The following TMEM132B variants were observed in gnomAD, a reference collection of about 807,000 sequenced individuals.
TMEM132B encodes transmembrane protein 132B.
In TMEM132B, 18 loss-of-function variants were observed where a neutral mutation model predicts 90.8. That is an observed-to-expected ratio of 0.20 (90% CI 0.14 to 0.29). TMEM132B has a LOEUF of 0.29. Ranked by LOEUF, TMEM132B falls within the 10% of genes least tolerant of loss-of-function variation. The probability of loss-of-function intolerance (pLI) is 1.00; values close to 1 mark genes in which losing one functional copy is unlikely to be tolerated. For missense variants in TMEM132B, 1,096 were observed against 1,326.8 expected, an observed-to-expected ratio of 0.83 and a Z score of 2.70; for synonymous variants, 504 against 523.3, an observed-to-expected ratio of 0.96 and a Z score of 0.50.
At chr12:125,196,132 A>T (rs902829375) in intron 1 of TMEM132B, among the ~76,000 whole-genome samples, 1 of 152,184 alleles carries the variant, frequency 6.6e-6, no homozygotes, top group Non-Finnish European at 1.5e-5. Flanking sequence ...TGGTTGCTGC[A>T]GAGGAGGTGA....
At chr12:125,553,049 A>T (rs1864875315) in intron 4 of TMEM132B, among the ~76,000 whole-genome samples, 1 of 152,222 alleles carries the variant, frequency 6.6e-6, no homozygotes, top group African/African-American at 2.4e-5. Context: ...GACATTGTAG[A>T]TTTAGGATTT....
intron 1 of TMEM132B, among the ~76,000 whole-genome samples, chr12:125,216,026 A>G (rs575045234): frequency 6.6e-6 from 1 of 152,290 alleles, no homozygotes; most frequent in African/African-American, 2.4e-5. Context: ...GCCCCTTCTT[A>G]AGAATCTCTC....
At chr12:125,401,063 T>G (rs60667973) in intron 2 of TMEM132B, among the ~76,000 whole-genome samples, 3,097 of 152,304 alleles carry the variant, frequency 0.02, 111 homozygotes, top group African/African-American at 0.064. Context: ...CTTGAAAGTT[T>G]GAGAGCCTCT....
At chr12:125,576,957 G>C (rs1206564964) in intron 4 of TMEM132B, among the ~76,000 whole-genome samples, 1 of 150,350 alleles carries the variant, frequency 6.7e-6, no homozygotes, top group Non-Finnish European at 1.5e-5. Context: ...CTTTTCCTGT[G>C]ATGCCTTTCT....
intron 3 of TMEM132B, among the ~76,000 whole-genome samples, chr12:125,440,111 G>A (rs1034238631): frequency 6.6e-6 from 1 of 152,138 alleles, no homozygotes; most frequent in Non-Finnish European, 1.5e-5. Flanking sequence ...CTTTCATCAA[G>A]GATATTGGCC....
chr12:125,419,606 G>A (rs1209714201), intron 3 of TMEM132B, among the ~76,000 whole-genome samples: 1 of 152,132 alleles, frequency 6.6e-6, no homozygotes, highest in Non-Finnish European at 1.5e-5. Context: ...TTTGGGCGGG[G>A]ACACAGCCAA....
In TMEM132B at chr12:125,515,178, A is replaced by T. The variant is rs1883081177; in HGVS notation, c.1107-4261A>T. On this transcript the variant is annotated intron_variant, in intron 3 of 8. Transcript: ENST00000682704. ...TGTTCGCACATTCTCTCCCACACTC[A>T]CACACGCATTCTCTCTCATGCACAC... is the stretch of plus-strand genomic sequence containing the variant. Among the ~76,000 whole-genome samples the T allele has an allele frequency of 3.3e-5, 5 of 150,932 alleles. No homozygotes were observed. The South Asian group carries it at 1.0e-3, about 31-fold the overall frequency.
chr12:125,187,553 G>A (rs761597369), intron 1 of TMEM132B, among the ~76,000 whole-genome samples: 1 of 152,254 alleles, frequency 6.6e-6, no homozygotes, highest in Non-Finnish European at 1.5e-5. Context: ...ACGCGCCGGG[G>A]AGCCTGGAAC....
intron 2 of TMEM132B, among the ~76,000 whole-genome samples, chr12:125,351,193 G>A (rs1877567579): frequency 6.6e-6 from 1 of 152,230 alleles, no homozygotes; most frequent in Admixed American, 6.5e-5. Flanking sequence ...CTCTGGTGAT[G>A]TCTCAACTCT....
chr12:125,429,987 T>C (rs151085486), intron 3 of TMEM132B, among the ~76,000 whole-genome samples: 1 of 152,212 alleles, frequency 6.6e-6, no homozygotes, highest in African/African-American at 2.4e-5. Flanking sequence ...GTATTTGGAA[T>C]TCTTCTTGCA....
intron 3 of TMEM132B, among the ~76,000 whole-genome samples, chr12:125,506,929 G>A (rs951359792): frequency 4.6e-5 from 7 of 152,230 alleles, no homozygotes; most frequent in African/African-American, 1.7e-4. Flanking sequence ...CAAATATTAC[G>A]TTTGTGTTTT....
chr12:125,328,749 G>T (rs944334570), intron 1 of TMEM132B, among the ~76,000 whole-genome samples: 2 of 152,122 alleles, frequency 1.3e-5, no homozygotes, highest in Non-Finnish European at 2.9e-5. Context: ...GATGTGTTTT[G>T]GGGGCACCAT....
chr12:125,502,653 T>C (rs916857468), intron 3 of TMEM132B, among the ~76,000 whole-genome samples: 1 of 152,384 alleles, frequency 6.6e-6, no homozygotes, highest in Admixed American at 6.5e-5. Flanking sequence ...AAATTCATGA[T>C]TGAATAGTTG....
chr12:125,641,128 A>G (rs1052389062), intron 5 of TMEM132B, among the ~76,000 whole-genome samples: 3 of 152,124 alleles, frequency 2.0e-5, no homozygotes, highest in African/African-American at 7.2e-5. Flanking sequence ...ACTGCCCCCT[A>G]TATTGTCCAT....
At chr12:125,288,335 C>T (rs529474607) in intron 1 of TMEM132B, among the ~76,000 whole-genome samples, 7 of 151,562 alleles carry the variant, frequency 4.6e-5, no homozygotes, top group African/African-American at 1.5e-4. Context: ...TGGTGGTGCA[C>T]GCCTGTAATT....
intron 2 of TMEM132B, among the ~76,000 whole-genome samples, chr12:125,396,295 G>A (rs1593121823): frequency 6.6e-6 from 1 of 152,170 alleles, no homozygotes; most frequent in East Asian, 1.9e-4. Context: ...TTCCCCTGAA[G>A]CATTTTAGCA....
chr12:125,473,827 G>GT (rs1012032365), intron 3 of TMEM132B, among the ~76,000 whole-genome samples: 5 of 151,972 alleles, frequency 3.3e-5, no homozygotes, highest in East Asian at 1.9e-4. Context: ...TGTTGAAGGA[G>GT]TTTTTTTTCT....
At chr12:125,456,170 A>G (rs1206752000) in intron 3 of TMEM132B, among the ~76,000 whole-genome samples, 3 of 152,208 alleles carry the variant, frequency 2.0e-5, no homozygotes, top group Non-Finnish European at 4.4e-5. Context: ...TCCATGAGAA[A>G]TAAGGTTTTA....
At chr12:125,273,229 A>G (rs573354510) in intron 1 of TMEM132B, among the ~76,000 whole-genome samples, 2 of 152,216 alleles carry the variant, frequency 1.3e-5, no homozygotes, top group African/African-American at 4.8e-5. Context: ...ATACAAAATC[A>G]TCTTTATAAA....
Sources: allele counts gnomAD v4.1 joint callset (sites outside exome capture counted in the v4.1 genomes callset), GRCh38; gene constraint gnomAD v4.1.1; transcripts MANE v1.5; gene names NCBI Gene and HGNC (gene_info 2026-07-23, HGNC 2026-07-21).